Variants in DCN observed in about 807,000 individuals in gnomAD.
DCN encodes bone proteoglycan II.
A neutral mutation model predicts 36.5 loss-of-function variants in DCN; 17 were observed. That is an observed-to-expected ratio of 0.47 (90% CI 0.32 to 0.70). The LOEUF (loss-of-function observed/expected upper bound fraction) is 0.70. Among genes scored for constraint, DCN ranks in the 30% least tolerant of loss-of-function variants. The pLI, the probability that DCN is intolerant of heterozygous loss-of-function variation, is 0.04. For synonymous variants in DCN, 163 were observed against 161.4 expected (o/e 1.01, Z -0.07); for missense variants, 389 against 430.1 (o/e 0.90, Z 0.84).
At chr12:91,164,361 T>A (rs1592695113) in intron 3 of DCN, among the ~76,000 whole-genome samples, 5 of 46,462 alleles carry the variant, frequency 1.1e-4, no homozygotes, top group Non-Finnish European at 1.5e-4. Flanking sequence ...AAACTTAGAG[T>A]ATAATAAAAA....
At position 91,157,204 on chromosome 12, in the gene DCN, G is replaced by T. The variant is rs757783232; in HGVS notation, c.539-16C>A. 1 of 1,576,434 alleles carries T rather than the reference G, an allele frequency of 6.3e-7. No individual in the cohort carries two copies. The highest frequency in any genetic ancestry group is 8.7e-7 in the Non-Finnish European group (1 of 1,145,756). Reference sequence around the variant, plus strand: ...GTGCCCAGTTCTACAAATGTAATAAGTGCAAGGCTTTTAGAGGAAATTTTA... The same window carrying T: ...GTGCCCAGTTCTACAAATGTAATAATTGCAAGGCTTTTAGAGGAAATTTTA... On this transcript the variant is annotated splice_polypyrimidine_tract_variant and intron_variant, in intron 4 of 7. Transcript: ENST00000052754.
Position 91,153,202 on chromosome 12 carries a change from A to G in DCN, c.653-13T>C. The G allele has an allele frequency of 1.4e-6, 2 of 1,442,472 alleles. No homozygotes were observed. The highest frequency in any genetic ancestry group is 1.4e-5 in the African/African-American group (1 of 71,688). The allele number at this position is 1,442,472 out of a possible 1,614,324, so 89.4% of individuals were successfully genotyped here. A position where few individuals can be genotyped will look rare whatever the true frequency, so the allele number is the denominator to read the frequency against. On this transcript the variant is annotated splice_polypyrimidine_tract_variant and intron_variant, in intron 5 of 7. Transcript: ENST00000052754. Reference sequence around the variant, plus strand: ...GAAGGAGGAAGACCTGGAATGTGGAATTAAAGATGTTAAATTAGCAGATAA... The same window carrying G: ...GAAGGAGGAAGACCTGGAATGTGGAGTTAAAGATGTTAAATTAGCAGATAA...
At chr12:91,173,280 G>A (rs912089744) in intron 2 of DCN, among the ~76,000 whole-genome samples, 2 of 152,046 alleles carry the variant, frequency 1.3e-5, no homozygotes, top group African/African-American at 4.8e-5. Context: ...TCTTCCAAAG[G>A]AAAATGAATC....
chr12:91,153,715 T>A (rs1881584700), intron 5 of DCN, among the ~76,000 whole-genome samples: 1 of 152,106 alleles, frequency 6.6e-6, no homozygotes, highest in East Asian at 1.9e-4. Context: ...CAAATACCTC[T>A]GCAAAATGTC....
intron 7 of DCN, among the ~76,000 whole-genome samples, chr12:91,149,578 C>T (rs1881273739): frequency 6.6e-6 from 1 of 152,110 alleles, no homozygotes; most frequent in African/African-American, 2.4e-5. Flanking sequence ...TTCAACATTG[C>T]ACTGGCGATT....
intron 2 of DCN, among the ~76,000 whole-genome samples, chr12:91,169,393 A>AT (rs1565785723): frequency 6.6e-6 from 1 of 151,408 alleles, no homozygotes; most frequent in East Asian, 1.9e-4. Context: ...AAAAAAAAAA[A>AT]AAAAAAAACC....
chr12:91,160,419 C>G (rs1232104478), intron 3 of DCN, among the ~76,000 whole-genome samples: 3 of 151,620 alleles, frequency 2.0e-5, no homozygotes, highest in Non-Finnish European at 4.4e-5. Context: ...TTTTTTTCTC[C>G]AAAGCCATTT....
chr12:91,150,344 A>G (rs1024458614), intron 7 of DCN, among the ~76,000 whole-genome samples: 11 of 152,242 alleles, frequency 7.2e-5, no homozygotes, highest in Admixed American at 2.0e-4. Flanking sequence ...GACAATTGCT[A>G]TCACATACAG....
intron 2 of DCN, among the ~76,000 whole-genome samples, chr12:91,166,405 T>G (rs1171366182): frequency 6.6e-6 from 1 of 152,192 alleles, no homozygotes; most frequent in Non-Finnish European, 1.5e-5. Flanking sequence ...TTTTCGGAAA[T>G]GTCAATTTGC....
chr12:91,154,291 G>A (rs1045409950), intron 5 of DCN, among the ~76,000 whole-genome samples: 4 of 152,090 alleles, frequency 2.6e-5, no homozygotes, highest in African/African-American at 7.2e-5. Flanking sequence ...TTTATTGTAT[G>A]TCTGTTACGC....
At chr12:91,177,914 T>C in intron 2 of DCN, 1 of 453,584 alleles carries the variant, frequency 2.2e-6, no homozygotes, top group Non-Finnish European at 4.0e-6. Flanking sequence ...AACTCTGTTG[T>C]CTGGGCTAAG....
chr12:91,165,850 T>G lies in DCN; in HGVS notation c.212-1133A>C, dbSNP rs117000091. On this transcript the variant is annotated intron_variant, in intron 2 of 7. Coordinates refer to ENST00000052754, the MANE Select transcript of DCN (RefSeq NM_001920.5). ...TGAATACCTCTTGGGCACCATGAAT[T>G]TATTAGATCCTGGGAATATAGCAGG... Among the ~76,000 whole-genome samples the G allele has an allele frequency of 7.0e-3, 1,063 of 152,260 alleles. 44 individuals carry two copies. Among genetic ancestry groups the G allele is most frequent in the Non-Finnish European group, 2.5e-3 (168 of 67,990 alleles).
chr12:91,158,529 A>G lies in DCN; in HGVS notation c.325-20T>C. The G allele has an allele frequency of 7.7e-7, 1 of 1,297,162 alleles. No homozygotes were observed. Among genetic ancestry groups the G allele is most frequent in the Non-Finnish European group, 1.1e-6 (1 of 890,700 alleles). The allele number at this position is 1,297,162 out of a possible 1,614,324, so 80.4% of individuals were successfully genotyped here. Reference sequence around the variant, plus strand: ...CAATGCCTGTAGATAGTGAAGAAAAACATCTCTTTAAATCCAAAACCTTCC... The same window carrying G: ...CAATGCCTGTAGATAGTGAAGAAAAGCATCTCTTTAAATCCAAAACCTTCC... On this transcript the variant is annotated intron_variant, in intron 3 of 7. Transcript: ENST00000052754.
intron 2 of DCN, among the ~76,000 whole-genome samples, chr12:91,170,080 A>G (rs1428551620): frequency 2.0e-5 from 3 of 151,272 alleles, no homozygotes; most frequent in Non-Finnish European, 4.4e-5. Context: ...AAAAAAAAAG[A>G]AAAAGAAAAT....
At chr12:91,167,372 G>C (rs1000325515) in intron 2 of DCN, among the ~76,000 whole-genome samples, 1 of 151,538 alleles carries the variant, frequency 6.6e-6, no homozygotes, top group African/African-American at 2.4e-5. Flanking sequence ...ACTCTATGAT[G>C]AGGTTTTTAG....
intron 7 of DCN, chr12:91,151,041 G>A (rs1881375316): frequency 6.5e-6 from 1 of 153,374 alleles, no homozygotes; most frequent in African/African-American, 2.4e-5. Flanking sequence ...GAAGTTGAAT[G>A]CTGAGAACAC....
chr12:91,178,684 T>C, intron 1 of DCN, 99 bp from the exon 2 acceptor site: 1 of 752,510 alleles, frequency 1.3e-6, no homozygotes, highest in Non-Finnish European at 2.3e-6. Flanking sequence ...AGAGAAAAGA[T>C]GCAAAATAAT....
rs1389870324 is a variant in DCN at position 91,164,595 on chromosome 12, T to A, written c.324+10A>T. On this transcript the variant is annotated intron_variant, in intron 3 of 7. Coordinates refer to ENST00000052754, the MANE Select transcript of DCN (RefSeq NM_001920.5). ...TATCTTATTGTGAGTTAAAAAAAAATAGTTCTTACGTGAAGGTTCTTCAGG... is the reference window on the plus strand; with the variant it reads ...TATCTTATTGTGAGTTAAAAAAAAAAAGTTCTTACGTGAAGGTTCTTCAGG... 4.1e-6 allele frequency: 6 copies of A among 1,474,990 alleles called. No individual in the cohort carries two copies. Among genetic ancestry groups the A allele is most frequent in the Non-Finnish European group, 5.7e-6 (6 of 1,053,900 alleles). 91.4% of individuals were successfully genotyped at this position (1,474,990 alleles called of 1,614,324 possible). A position where few individuals can be genotyped will look rare whatever the true frequency, so the allele number is the denominator to read the frequency against.
intron 3 of DCN, among the ~76,000 whole-genome samples, chr12:91,161,961 G>C (rs1288470207): frequency 7.1e-6 from 1 of 141,778 alleles, no homozygotes; most frequent in African/African-American, 2.6e-5. Flanking sequence ...TTTTTTTTGA[G>C]ATGGAGTCTC....
Sources: allele counts gnomAD v4.1 joint callset (sites outside exome capture counted in the v4.1 genomes callset), GRCh38; gene constraint gnomAD v4.1.1; transcripts MANE v1.5; gene names NCBI Gene and HGNC (gene_info 2026-07-23, HGNC 2026-07-21).